PRKDC: variants seen among roughly 807,000 people sequenced by gnomAD.
PRKDC encodes DNA-dependent protein kinase catalytic subunit.
Under a neutral mutation model 486.9 loss-of-function variants are expected in PRKDC, and 82 were observed. The observed-to-expected ratio is 0.17, with a 90% confidence interval of 0.14 to 0.20. PRKDC has a LOEUF of 0.20. PRKDC is among the 10% of genes least tolerant of loss of function. PRKDC has a pLI of 1.00. For missense variants in PRKDC, 4,504 were observed against 5,038.2 expected (o/e 0.89, Z 3.21); for synonymous variants, 1,895 against 1,837.0 (o/e 1.03, Z -0.81).
At chr8:47,953,127 C>A (rs10089088) in intron 7 of PRKDC, among the ~76,000 whole-genome samples, 60 of 151,594 alleles carry the variant, frequency 4.0e-4, no homozygotes, top group Admixed American at 1.1e-3. Flanking sequence ...GGCTACGGAG[C>A]GAGACTCTGT....
At chr8:47,801,025 A>ATG (rs753883636) in intron 70 of PRKDC, 39 bp from the exon 71 acceptor site, 14 of 1,553,010 alleles carry the variant, frequency 9.0e-6, no homozygotes, top group African/African-American at 4.1e-5. Context: ...AAAATTTTGT[A>ATG]TGTGTGTGTG....
chr8:47,949,315 T>C (rs1343417661), intron 7 of PRKDC, among the ~76,000 whole-genome samples: 1 of 152,224 alleles, frequency 6.6e-6, no homozygotes, highest in African/African-American at 2.4e-5. Context: ...TGGCCATTAT[T>C]CTCCTAACCA....
chr8:47,930,024 A>G lies in PRKDC; in HGVS notation c.1893-12T>C. 6.3e-7 allele frequency: 1 copy of G among 1,590,402 alleles called. No individual in the cohort carries two copies. The highest frequency in any genetic ancestry group is 8.5e-7 in the Non-Finnish European group (1 of 1,170,962). On this transcript the variant is annotated splice_polypyrimidine_tract_variant and intron_variant, in intron 17 of 85. Transcript: ENST00000314191. The stretch of plus-strand genomic sequence containing the variant: ...CAGGGAGAATCTCTCTGTAAAAACA[A>G]ATTAGAAATTGAAGGTAGAAATTTG...
At chr8:47,802,875 G>A (rs898848340) in intron 70 of PRKDC, among the ~76,000 whole-genome samples, 3 of 151,818 alleles carry the variant, frequency 2.0e-5, no homozygotes, top group Admixed American at 2.0e-4. Context: ...GGATGGTCTC[G>A]ATCTCCTGAC....
intron 10 of PRKDC, chr8:47,939,950 G>C: frequency 3.1e-5 from 2 of 63,994 alleles, no homozygotes; most frequent in Non-Finnish European, 3.2e-5. Flanking sequence ...ACATAAGTCT[G>C]AAAAAAAAAA....
intron 7 of PRKDC, among the ~76,000 whole-genome samples, chr8:47,947,883 AG>A (rs1437301121): frequency 6.6e-6 from 1 of 152,018 alleles, no homozygotes; most frequent in African/African-American, 2.4e-5. Context: ...ACTCCAGTCT[AG>A]GTGACAGGGC....
At chr8:47,860,559 TTC>T (rs1422453057) in intron 45 of PRKDC, among the ~76,000 whole-genome samples, 1 of 152,186 alleles carries the variant, frequency 6.6e-6, no homozygotes, top group Non-Finnish European at 1.5e-5. Context: ...TAATGTAGAC[TTC>T]TGAATGTATC....
At chr8:47,803,970 G>A (rs2087163728) in intron 69 of PRKDC, among the ~76,000 whole-genome samples, 1 of 151,516 alleles carries the variant, frequency 6.6e-6, no homozygotes, top group African/African-American at 2.4e-5. Context: ...GTGGCAGGGT[G>A]GGTACAATTC....
In PRKDC at chr8:47,927,179, T is replaced by G. The variant is rs370445728; in HGVS notation, c.2419+15A>C. ...TTTTAATTACAATACACATCACAAT[T>G]CTTCTAAACATTACCTGACAAGGCT... On this transcript the variant is annotated intron_variant, in intron 21 of 85. Transcript: ENST00000314191. 12 of 1,609,876 alleles carry G rather than the reference T, an allele frequency of 7.5e-6. No individual in the cohort carries two copies. The highest frequency in any genetic ancestry group is 4.0e-5 in the African/African-American group (3 of 74,922).
At chr8:47,910,542 T>C (rs1463005656) in intron 25 of PRKDC, among the ~76,000 whole-genome samples, 1 of 152,188 alleles carries the variant, frequency 6.6e-6, no homozygotes, top group Non-Finnish European at 1.5e-5. Context: ...CAGCCTCTTA[T>C]ACTCCATAAG....
Position 47,897,219 on chromosome 8 carries a change from C to A in PRKDC, c.3540G>T (p.Gln1180His). The change falls in exon 30 of 86, where the codon CAG (glutamine) becomes CAT (histidine). Residue 1180 changes from glutamine to histidine, a missense_variant. By Grantham distance (24) the Gln-to-His change is conservative (BLOSUM62 0). Coordinates refer to ENST00000314191, the MANE Select transcript of PRKDC (RefSeq NM_006904.7). Reference protein sequence around the residue: ...KWLLAHCGRPQTECRHKSIEL... With the variant: ...KWLLAHCGRPHTECRHKSIEL... ...CAATGGATTTGTGTCGACATTCTGT[C>A]TGGGGCCTCCCACAATGAGCTAAAA... The A allele has an allele frequency of 6.2e-7, 1 of 1,609,286 alleles. No individual in the cohort carries two copies. Among genetic ancestry groups the A allele is most frequent in the Non-Finnish European group, 8.5e-7 (1 of 1,176,186 alleles).
intron 26 of PRKDC, among the ~76,000 whole-genome samples, chr8:47,904,206 T>C (rs2089732350): frequency 6.6e-6 from 1 of 152,158 alleles, no homozygotes. Context: ...CAGGGCCCTT[T>C]AGTTATTGAA....
chr8:47,803,181 C>T, intron 70 of PRKDC, 125 bp downstream of exon 70: 1 of 930,978 alleles, frequency 1.1e-6, no homozygotes, highest in Non-Finnish European at 1.6e-6. Context: ...TTGCTATATT[C>T]CCTGAAATTA....
chr8:47,778,219 T>A (rs1217958717), intron 83 of PRKDC, among the ~76,000 whole-genome samples: 1 of 152,202 alleles, frequency 6.6e-6, no homozygotes, highest in Non-Finnish European at 1.5e-5. Context: ...AGAGTCTTCC[T>A]TTGATCTGCG....
At chr8:47,876,816 A>G (rs989938536) in intron 40 of PRKDC, among the ~76,000 whole-genome samples, 1 of 152,204 alleles carries the variant, frequency 6.6e-6, no homozygotes, top group African/African-American at 2.4e-5. Flanking sequence ...GAATAAAAGA[A>G]TCAGAAAAAT....
Position 47,918,272 on chromosome 8 carries a change from CT to C in PRKDC, c.2526+4del. ...AAGGTACAGAAAATACAAAGGACTTCTTACTGATGAAAGGTTCTTTGTCTTC... is the reference window on the plus strand; with the variant it reads ...AAGGTACAGAAAATACAAAGGACTTCTACTGATGAAAGGTTCTTTGTCTTC... On this transcript the variant is annotated splice_donor_region_variant and intron_variant, in intron 22 of 85. Transcript: ENST00000314191. 1 of 1,553,756 alleles carries C rather than the reference CT, an allele frequency of 6.4e-7. No homozygotes were observed. The highest frequency in any genetic ancestry group is 8.7e-7 in the Non-Finnish European group (1 of 1,143,060).
intron 7 of PRKDC, among the ~76,000 whole-genome samples, chr8:47,948,754 G>A (rs576117581): frequency 3.6e-4 from 54 of 151,732 alleles, no homozygotes; most frequent in African/African-American, 1.1e-3. Flanking sequence ...GAGCCACCGC[G>A]CCCGGCCCTG....
intron 39 of PRKDC, 117 bp downstream of exon 39, chr8:47,879,374 T>C (rs2089158212): frequency 1.1e-6 from 1 of 882,758 alleles, no homozygotes; most frequent in Admixed American, 3.1e-5. Flanking sequence ...GAATAACCTA[T>C]TGGGTGGTTT....
chr8:47,926,062 TTACTA>T (rs1161075292), intron 21 of PRKDC, among the ~76,000 whole-genome samples: 1 of 152,206 alleles, frequency 6.6e-6, no homozygotes, highest in African/African-American at 2.4e-5. Flanking sequence ...GTAACTTCCT[TTACTA>T]ATCTAAAACT....
Sources: allele counts gnomAD v4.1 joint callset (sites outside exome capture counted in the v4.1 genomes callset), GRCh38; gene constraint gnomAD v4.1.1; transcripts MANE v1.5; gene names NCBI Gene and HGNC (gene_info 2026-07-23, HGNC 2026-07-21).